The following UGGT2 variants were observed in gnomAD, a reference collection of about 807,000 sequenced individuals.
The protein encoded by UGGT2 is UDP-glucose:glycoprotein glucosyltransferase 2.
A neutral mutation model predicts 192.1 loss-of-function variants in UGGT2; 180 were observed. The observed-to-expected ratio is 0.94, with a 90% CI of 0.83 to 1.06. UGGT2 has a LOEUF of 1.06. UGGT2 is among the 50% of genes least tolerant of loss of function. The pLI is 0.00. For missense variants in UGGT2, 1,849 were observed against 1,795.7 expected, an observed-to-expected ratio of 1.03 and a Z score of -0.54; for synonymous variants, 580 against 591.0, an observed-to-expected ratio of 0.98 and a Z score of 0.27.
chr13:95,889,005 A>G (rs937719235), intron 25 of UGGT2, among the ~76,000 whole-genome samples: 3 of 151,982 alleles, frequency 2.0e-5, no homozygotes, highest in African/African-American at 7.2e-5. Context: ...ATTTTTTTAG[A>G]GACAGGGTCT....
Position 95,828,713 on chromosome 13 carries a change from G to A in UGGT2, c.4528+4214C>T, listed in dbSNP as rs192527613. Among the ~76,000 whole-genome samples the A allele has an allele frequency of 1.3e-4, 20 of 152,214 alleles. No homozygotes were observed. The East Asian group carries it at 3.7e-3, about 28-fold the overall frequency. The stretch of plus-strand genomic sequence containing the variant: ...CCAAAAAAAACTCCAGGACCAGACG[G>A]ATTCACAGTCCTATTCTACCAGAGG... On this transcript the variant is annotated intron_variant, in intron 38 of 38. Transcript: ENST00000376747.
chr13:95,997,826 G>C (rs1252373263), intron 6 of UGGT2, among the ~76,000 whole-genome samples: 2 of 152,214 alleles, frequency 1.3e-5, no homozygotes, highest in Non-Finnish European at 2.9e-5. Flanking sequence ...AAGTAGTTTA[G>C]TGTTTCAGGC....
At chr13:95,906,723 T>A (rs2140314081) in intron 20 of UGGT2, among the ~76,000 whole-genome samples, 1 of 152,342 alleles carries the variant, frequency 6.6e-6, no homozygotes, top group South Asian at 2.1e-4. Context: ...AAATGCTTTT[T>A]TCACTGTATA....
intron 26 of UGGT2, among the ~76,000 whole-genome samples, chr13:95,886,814 A>AGGTG (rs1277149252): frequency 2.0e-5 from 3 of 152,146 alleles, no homozygotes; most frequent in Non-Finnish European, 2.9e-5. Context: ...AGAGCAAGGC[A>AGGTG]GGTGTATCTC....
chr13:96,023,641 C>T lies in UGGT2; in HGVS notation c.360G>A (p.Gln120=), dbSNP rs761263707. 2 of 1,607,288 alleles carry T rather than the reference C, an allele frequency of 1.2e-6. No homozygotes were observed. The highest frequency in any genetic ancestry group is 1.7e-6 in the Non-Finnish European group (2 of 1,176,166). ...FSIRAYSPAI[Q]MFQQIAADEP... ...TATTTTTACGCACCTGCTGAAACAT[C>T]TGAATAGCTGGGGAGTATGCCCTTA... Residue 120 remains glutamine (Q), a synonymous_variant, in exon 3 of 39, where the codon CAG becomes CAA. Coordinates refer to ENST00000376747, the MANE Select transcript of UGGT2 (RefSeq NM_020121.4).
In UGGT2 at chr13:96,053,347, G is replaced by A. The variant is rs775563066; in HGVS notation, c.-35C>T. 25 of 1,567,816 alleles carry A rather than the reference G, an allele frequency of 1.6e-5. No homozygotes were observed. The African/African-American group carries it at 2.4e-4, about 15-fold the overall frequency. ...AGAAAAGCGCGAGTCCCTCGGACCC[G>A]GTACCCACAGTCTGTGGCCGCCACG... On this transcript the variant is annotated 5_prime_UTR_variant, in exon 1 of 39. Transcript: ENST00000376747.
chr13:95,888,728 C>A (rs1246722857), intron 25 of UGGT2, among the ~76,000 whole-genome samples: 1 of 152,034 alleles, frequency 6.6e-6, no homozygotes, highest in Non-Finnish European at 1.5e-5. Flanking sequence ...AATAAATTAT[C>A]CTTTTATAAA....
At chr13:96,012,338 A>C (rs900186624) in intron 5 of UGGT2, among the ~76,000 whole-genome samples, 1 of 152,040 alleles carries the variant, frequency 6.6e-6, no homozygotes, top group Non-Finnish European at 1.5e-5. Context: ...CTCTTACAAG[A>C]GAATGTCCTT....
At chr13:95,831,672 C>T (rs562462799) in intron 38 of UGGT2, among the ~76,000 whole-genome samples, 41 of 152,068 alleles carry the variant, frequency 2.7e-4, no homozygotes, top group African/African-American at 8.4e-4. Flanking sequence ...TATAAAATTT[C>T]CTTAACTTAT....
chr13:95,985,770 T>C lies in UGGT2; in HGVS notation c.1031+563A>G, dbSNP rs1362841966. On this transcript the variant is annotated intron_variant, in intron 9 of 38. Coordinates refer to ENST00000376747, the MANE Select transcript of UGGT2 (RefSeq NM_020121.4). Reference sequence around the variant, plus strand: ...ACTTGCATTGCATGCACCGGTCTCTTTAAGCTATGCAAATGTATTTCCTAT... The same window carrying C: ...ACTTGCATTGCATGCACCGGTCTCTCTAAGCTATGCAAATGTATTTCCTAT... Among the ~76,000 whole-genome samples the C allele has an allele frequency of 2.6e-5, 4 of 152,100 alleles. No individual in the cohort carries two copies. In the East Asian group the frequency reaches 7.7e-4, roughly 29 times the overall value.
At chr13:95,863,371 C>T in intron 31 of UGGT2, 2 of 308,724 alleles carry the variant, frequency 6.5e-6, no homozygotes, top group Non-Finnish European at 1.2e-5. Context: ...CCACACACTT[C>T]TTCAAGGAGT....
rs201157034 is a variant in UGGT2, at chr13:95,942,219, A to AG, written c.1678-2129dup. Among the ~76,000 whole-genome samples the AG allele has an allele frequency of 5.5e-5, 4 of 72,202 alleles. No individual in the cohort carries two copies. In the South Asian group the frequency reaches 2.1e-3, roughly 38 times the overall value. 47.4% of individuals were successfully genotyped at this position (72,202 alleles called of 152,430 possible). A position where few individuals can be genotyped will look rare whatever the true frequency, so the allele number is the denominator to read the frequency against. ...AGGTACAAGAGCTTCTCTTAGGGTG[A>AG]GGGTGTGTGTGTGTGTGTGTGTGTG... is the stretch of plus-strand genomic sequence containing the variant. On this transcript the variant is annotated intron_variant, in intron 15 of 38. Coordinates refer to ENST00000376747, the MANE Select transcript of UGGT2 (RefSeq NM_020121.4).
chr13:95,865,355 C>G (rs1220291915), intron 30 of UGGT2, among the ~76,000 whole-genome samples: 2 of 152,048 alleles, frequency 1.3e-5, no homozygotes, highest in Non-Finnish European at 2.9e-5. Flanking sequence ...AGAAAACAAA[C>G]TGAAGGCGGC....
intron 12 of UGGT2, among the ~76,000 whole-genome samples, chr13:95,963,955 A>G (rs1274184809): frequency 6.6e-6 from 1 of 152,202 alleles, no homozygotes; most frequent in Non-Finnish European, 1.5e-5. Context: ...TGCAATCTCT[A>G]TTAAGATATC....
At chr13:95,877,605 ACAG>A in intron 28 of UGGT2, 90 bp downstream of exon 28, 1 of 1,401,262 alleles carries the variant, frequency 7.1e-7, no homozygotes, top group African/African-American at 1.4e-5. Flanking sequence ...CTGTTCAGCA[ACAG>A]CAGAATAAAG....
At chr13:95,979,750 A>G (rs1250475058) in intron 10 of UGGT2, among the ~76,000 whole-genome samples, 1 of 151,652 alleles carries the variant, frequency 6.6e-6, no homozygotes, top group African/African-American at 2.4e-5. Flanking sequence ...CAATCTACAC[A>G]TCCGAAAAAG....
Position 95,887,906 on chromosome 13 carries a change from T to G in UGGT2, c.3024A>C (p.Glu1008Asp). ...CTCAGATTTACCTTTCTAAAGGGGCTTCTGAAAGCCTGCCCCTACAGTTCA... is the reference window on the plus strand; with the variant it reads ...CTCAGATTTACCTTTCTAAAGGGGCGTCTGAAAGCCTGCCCCTACAGTTCA... ...LFMNCRGRLS[E>D]APLESFYRFV... The change falls in exon 26 of 39, where the codon GAA becomes GAC. Residue 1008 changes from glutamate to aspartate, a missense_variant. Coordinates refer to ENST00000376747, the MANE Select transcript of UGGT2 (RefSeq NM_020121.4). 6.2e-7 allele frequency: 1 copy of G among 1,600,112 alleles called. No homozygotes were observed. Among genetic ancestry groups the G allele is most frequent in the Non-Finnish European group, 8.5e-7 (1 of 1,172,576 alleles).
chr13:96,011,875 A>G (rs193033514), intron 5 of UGGT2, among the ~76,000 whole-genome samples: 2 of 152,246 alleles, frequency 1.3e-5, no homozygotes, highest in Non-Finnish European at 2.9e-5. Context: ...ATATATGAAG[A>G]AAAAGTCTCT....
intron 26 of UGGT2, 63 bp downstream of exon 26, chr13:95,887,829 T>C (rs1351452419): frequency 6.9e-6 from 7 of 1,019,056 alleles, no homozygotes; most frequent in South Asian, 4.4e-5. Flanking sequence ...GTAACAATGA[T>C]TGTTTTTTTC....
Sources: gnomAD v4.1 joint callset for allele counts (sites outside exome capture counted in the v4.1 genomes callset) on GRCh38, gnomAD v4.1.1 for gene constraint, MANE v1.5 for transcripts, NCBI Gene and HGNC (gene_info 2026-07-23, HGNC 2026-07-21) for gene names.